KHDRBS2: variants seen among roughly 807,000 people sequenced by gnomAD.
KHDRBS2 encodes the protein KH RNA binding domain containing, signal transduction associated 2, also known as KH domain-containing, RNA-binding, signal transduction-associated protein 2.
A neutral mutation model predicts 44.3 loss-of-function variants in KHDRBS2; 26 were observed. That is an observed-to-expected ratio of 0.59 (90% CI 0.43 to 0.81). KHDRBS2 has a LOEUF of 0.81. Ranked by LOEUF, KHDRBS2 falls within the 40% of genes least tolerant of loss-of-function variation. The pLI is 0.00. For synonymous variants in KHDRBS2, 194 were observed against 151.1 expected, an observed-to-expected ratio of 1.28 and a Z score of -2.08; for missense variants, 476 against 433.1, an observed-to-expected ratio of 1.10 and a Z score of -0.88.
chr6:61,948,182 T>C (rs997477470), intron 4 of KHDRBS2, among the ~76,000 whole-genome samples: 1 of 152,018 alleles, frequency 6.6e-6, no homozygotes, highest in African/African-American at 2.4e-5. Context: ...ATAGAAATTA[T>C]AGAAAATTCA....
intron 6 of KHDRBS2, among the ~76,000 whole-genome samples, chr6:61,734,060 A>C (rs2127561327): frequency 6.6e-6 from 1 of 152,316 alleles, no homozygotes; most frequent in South Asian, 2.1e-4. Flanking sequence ...AAGCCCATTT[A>C]ATGAAAAGAC....
chr6:61,562,428 T>C, the KHDRBS2 span, among the ~76,000 whole-genome samples: 1 of 152,304 alleles, frequency 6.6e-6, no homozygotes, highest in East Asian at 1.9e-4. Flanking sequence ...TAAAGACTAA[T>C]ACATATTAAA....
the KHDRBS2 span, among the ~76,000 whole-genome samples, chr6:61,637,930 A>G: frequency 6.6e-6 from 1 of 152,020 alleles, no homozygotes; most frequent in Non-Finnish European, 1.5e-5. Context: ...GATTCTGGAT[A>G]TTAGCCCTTT....
At chr6:61,668,030 A>T in the KHDRBS2 span, among the ~76,000 whole-genome samples, 1 of 151,124 alleles carries the variant, frequency 6.6e-6, no homozygotes, top group Non-Finnish European at 1.5e-5. Context: ...GGTATTTCCT[A>T]TTAATCTAAA....
chr6:61,996,799 C>A (rs1482330422), intron 3 of KHDRBS2, among the ~76,000 whole-genome samples: 4 of 149,976 alleles, frequency 2.7e-5, no homozygotes, highest in East Asian at 2.0e-4. Flanking sequence ...CCCTCACCCC[C>A]CCGAGATAGA....
chr6:61,702,896 A>T (rs1187603746), intron 7 of KHDRBS2, among the ~76,000 whole-genome samples: 1 of 151,924 alleles, frequency 6.6e-6, no homozygotes, highest in Non-Finnish European at 1.5e-5. Flanking sequence ...ACTAATAATT[A>T]GATATATTTT....
the KHDRBS2 span, among the ~76,000 whole-genome samples, chr6:61,599,443 G>A: frequency 6.6e-6 from 1 of 150,440 alleles, no homozygotes; most frequent in Non-Finnish European, 1.5e-5. Flanking sequence ...ATTTTTAAAA[G>A]TGGGTGCAGA....
At chr6:61,921,159 T>C (rs1221620735) in intron 4 of KHDRBS2, among the ~76,000 whole-genome samples, 1 of 152,050 alleles carries the variant, frequency 6.6e-6, no homozygotes, top group Non-Finnish European at 1.5e-5. Context: ...AATCTCATCT[T>C]AAATTGCATG....
At chr6:61,933,772 T>C (rs1810521631) in intron 4 of KHDRBS2, among the ~76,000 whole-genome samples, 1 of 152,208 alleles carries the variant, frequency 6.6e-6, no homozygotes, top group Non-Finnish European at 1.5e-5. Context: ...ATGAAATCTA[T>C]AATTGAATGA....
intron 2 of KHDRBS2, among the ~76,000 whole-genome samples, chr6:62,170,139 CCAGA>C (rs1819701766): frequency 6.6e-6 from 1 of 151,896 alleles, no homozygotes; most frequent in Non-Finnish European, 1.5e-5. Flanking sequence ...GGGGAAGCAC[CCAGA>C]CAGTCATCTG....
At chr6:61,640,042 G>A in the KHDRBS2 span, among the ~76,000 whole-genome samples, 15 of 151,990 alleles carry the variant, frequency 9.9e-5, no homozygotes, top group Admixed American at 2.0e-4. Flanking sequence ...GGTGAAATGC[G>A]TAATGGATGA....
At chr6:62,224,993 G>A (rs1004097481) in intron 1 of KHDRBS2, among the ~76,000 whole-genome samples, 7 of 152,302 alleles carry the variant, frequency 4.6e-5, no homozygotes, top group Admixed American at 1.3e-4. Context: ...GGTTAACCCA[G>A]TGACTCTTGA....
chr6:62,029,755 A>G (rs1287118786), intron 3 of KHDRBS2, among the ~76,000 whole-genome samples: 1 of 151,998 alleles, frequency 6.6e-6, no homozygotes, highest in African/African-American at 2.4e-5. Flanking sequence ...TTCATAATAA[A>G]TCCATCTCCA....
At chr6:62,151,517 C>T (rs1815180124) in intron 2 of KHDRBS2, among the ~76,000 whole-genome samples, 1 of 152,006 alleles carries the variant, frequency 6.6e-6, no homozygotes, top group Non-Finnish European at 1.5e-5. Flanking sequence ...AAAGAAGAAA[C>T]ATTTCAAAAG....
the KHDRBS2 span, among the ~76,000 whole-genome samples, chr6:61,641,767 G>C: frequency 2.0e-5 from 3 of 152,118 alleles, no homozygotes; most frequent in Non-Finnish European, 4.4e-5. Flanking sequence ...GTAGACATTG[G>C]TTAAAGGGCT....
chr6:62,183,096 AC>A (rs1266055768), intron 1 of KHDRBS2, among the ~76,000 whole-genome samples: 1 of 151,796 alleles, frequency 6.6e-6, no homozygotes, highest in Non-Finnish European at 1.5e-5. Context: ...AGATTTTAGA[AC>A]CCTTAATAGC....
intron 2 of KHDRBS2, among the ~76,000 whole-genome samples, chr6:62,102,720 C>A (rs961595897): frequency 6.6e-6 from 1 of 152,186 alleles, no homozygotes; most frequent in East Asian, 1.9e-4. Context: ...GTTATAGCAA[C>A]TCTGGCTTGG....
intron 2 of KHDRBS2, among the ~76,000 whole-genome samples, chr6:62,168,606 T>C (rs1314718414): frequency 1.3e-5 from 2 of 152,152 alleles, no homozygotes; most frequent in Non-Finnish European, 2.9e-5. Flanking sequence ...CACTTGTTTG[T>C]TGTGGCACAA....
intron 2 of KHDRBS2, among the ~76,000 whole-genome samples, chr6:62,118,034 C>A (rs1348958400): frequency 1.3e-5 from 2 of 152,126 alleles, no homozygotes; most frequent in African/African-American, 4.8e-5. Flanking sequence ...CCTTGGCCTC[C>A]CGAAGTGTTG....
Sources: gnomAD v4.1 joint callset for allele counts (sites outside exome capture counted in the v4.1 genomes callset) on GRCh38, gnomAD v4.1.1 for gene constraint, MANE v1.5 for transcripts, NCBI Gene and HGNC (gene_info 2026-07-23, HGNC 2026-07-21) for gene names.